Variants in NT5DC3 observed in about 807,000 individuals in gnomAD.
NT5DC3 encodes 5'-nucleotidase domain containing 3.
NT5DC3 carries 42 observed loss-of-function variants against 67.8 expected under a neutral mutation model. That is an observed-to-expected ratio of 0.62 (90% confidence interval 0.48 to 0.80). The LOEUF (loss-of-function observed/expected upper bound fraction) is 0.80, where lower values mean the gene tolerates loss of function less well. NT5DC3 is among the 30% of genes least tolerant of loss of function. The pLI, the probability that NT5DC3 is intolerant of heterozygous loss-of-function variation, is 0.00. For synonymous variants in NT5DC3, 237 were observed against 255.6 expected (o/e 0.93, Z 0.69); for missense variants, 570 against 696.4 (o/e 0.82, Z 2.04).
chr12:103,783,722 T>C (rs541047390), intron 12 of NT5DC3, among the ~76,000 whole-genome samples: 11 of 151,952 alleles, frequency 7.2e-5, no homozygotes, highest in Middle Eastern at 3.4e-3. Flanking sequence ...AGCACTTCCA[T>C]TCTCTAAAAC....
downstream of NT5DC3, among the ~76,000 whole-genome samples, chr12:103,768,112 T>TAAC (rs1348906641): frequency 1.5e-5 from 2 of 137,078 alleles, no homozygotes; most frequent in African/African-American, 5.6e-5. Context: ...AAAAAAAATT[T>TAAC]AACACTTGGG....
chr12:103,822,456 A>G (rs1418273624), intron 1 of NT5DC3, among the ~76,000 whole-genome samples: 1 of 152,274 alleles, frequency 6.6e-6, no homozygotes, highest in Non-Finnish European at 1.5e-5. Context: ...AAGTAAACAC[A>G]GTTAACAGTA....
the NT5DC3 span, chr12:103,755,318 G>A: frequency 6.2e-7 from 1 of 1,614,024 alleles, no homozygotes; most frequent in Non-Finnish European, 8.5e-7. Flanking sequence ...TACCACCTGT[G>A]CTCAGCAGGC....
chr12:103,759,273 G>A, the NT5DC3 span: 79 of 1,613,360 alleles, frequency 4.9e-5, no homozygotes, highest in South Asian at 2.9e-4. Context: ...CACTCCAACC[G>A]GTACAAAGTC....
chr12:103,777,724 GCTTAT>G lies in NT5DC3; in HGVS notation c.*100_*104del. The G allele has an allele frequency of 8.0e-7, 1 of 1,256,574 alleles. No homozygotes were observed. 77.8% of individuals were successfully genotyped at this position (1,256,574 alleles called of 1,614,324 possible). Reference sequence around the variant, plus strand: ...TAAGGTACAAAATAAATATCAAAAGGCTTATCTGTATCTTTTCCAAAAGCAACACT... The same window carrying G: ...TAAGGTACAAAATAAATATCAAAAGGCTGTATCTTTTCCAAAAGCAACACT... On this transcript the variant is annotated 3_prime_UTR_variant, in exon 14 of 14. Coordinates refer to ENST00000392876, the MANE Select transcript of NT5DC3 (RefSeq NM_001031701.3).
intron 11 of NT5DC3, 49 bp downstream of exon 11, chr12:103,787,392 G>A (rs1402224105): frequency 9.3e-6 from 8 of 862,666 alleles, no homozygotes; most frequent in Non-Finnish European, 5.3e-6. Context: ...TCTTTAGTAA[G>A]TGAGACTAAC....
At chr12:103,811,277 C>T (rs902415239) in intron 2 of NT5DC3, among the ~76,000 whole-genome samples, 2 of 42,332 alleles carry the variant, frequency 4.7e-5, no homozygotes, top group African/African-American at 8.9e-5. Flanking sequence ...CACAAATCTG[C>T]GGGTGGGCGG....
chr12:103,788,680 T>C (rs2888792), intron 10 of NT5DC3, among the ~76,000 whole-genome samples, 158 bp downstream of exon 10: 58,097 of 151,996 alleles, frequency 0.38, 12,174 homozygotes, highest in East Asian at 0.88. Flanking sequence ...AATATATTGA[T>C]TTAAACCTAA....
At chr12:103,750,701 T>C in the NT5DC3 span, 5 of 1,613,642 alleles carry the variant, frequency 3.1e-6, no homozygotes, top group African/African-American at 5.3e-5. Flanking sequence ...ACGCCAAATG[T>C]GTCGACCTCC....
chr12:103,794,743 C>T (rs1285554036), intron 6 of NT5DC3, among the ~76,000 whole-genome samples: 2 of 152,224 alleles, frequency 1.3e-5, no homozygotes, highest in African/African-American at 4.8e-5. Context: ...AAATAGCTTA[C>T]AAGTTCCTCC....
At chr12:103,751,170 A>T in the NT5DC3 span, among the ~76,000 whole-genome samples, 1 of 152,174 alleles carries the variant, frequency 6.6e-6, no homozygotes, top group African/African-American at 2.4e-5. Context: ...TATGTACTGG[A>T]TCTCTCCAGG....
intron 1 of NT5DC3, among the ~76,000 whole-genome samples, chr12:103,818,931 A>G (rs978577560): frequency 1.3e-5 from 2 of 152,222 alleles, no homozygotes; most frequent in African/African-American, 4.8e-5. Flanking sequence ...TCGCTTACAG[A>G]ATGAGCAAAA....
the NT5DC3 span, chr12:103,759,412 C>A: frequency 2.4e-6 from 3 of 1,257,278 alleles, no homozygotes; most frequent in Admixed American, 2.7e-5. Context: ...GTGTTAACTG[C>A]CCACTACAGC....
In NT5DC3 at chr12:103,806,802, A is replaced by T. The variant is rs770380276; in HGVS notation, c.468+53T>A. The stretch of plus-strand genomic sequence containing the variant: ...CAGTAAAGAAAAGTACCAACAGTAC[A>T]TTTCATTTCCAAACATCATTAAACC... On this transcript the variant is annotated intron_variant, in intron 3 of 13. Transcript: ENST00000392876. The T allele has an allele frequency of 4.4e-4, 513 of 1,156,960 alleles. 2 individuals are homozygous for T. Among genetic ancestry groups the T allele is most frequent in the Non-Finnish European group, 5.9e-4 (451 of 769,446 alleles). The allele number at this position is 1,156,960 out of a possible 1,614,324, so 71.7% of individuals were successfully genotyped here. A position where few individuals can be genotyped will look rare whatever the true frequency, so the allele number is the denominator to read the frequency against.
intron 1 of NT5DC3, among the ~76,000 whole-genome samples, chr12:103,836,022 A>G (rs1228082302): frequency 6.6e-6 from 1 of 152,178 alleles, no homozygotes; most frequent in Non-Finnish European, 1.5e-5. Context: ...AGATCTCGTG[A>G]GACTTATTCA....
chr12:103,785,883 C>T (rs745512495), intron 11 of NT5DC3: 3 of 375,302 alleles, frequency 8.0e-6, no homozygotes, highest in African/African-American at 6.4e-5. Context: ...TTATGGAGAA[C>T]CATGGAATCT....
intron 1 of NT5DC3, among the ~76,000 whole-genome samples, chr12:103,832,617 G>C (rs200132175): frequency 2.0e-5 from 3 of 152,020 alleles, no homozygotes; most frequent in Non-Finnish European, 4.4e-5. Context: ...GTAGATCAGC[G>C]AGCCACCTCC....
chr12:103,837,705 C>T (rs892878003), intron 1 of NT5DC3, among the ~76,000 whole-genome samples: 1 of 152,242 alleles, frequency 6.6e-6, no homozygotes, highest in Non-Finnish European at 1.5e-5. Flanking sequence ...CAACAAGTTC[C>T]TCACCTACAT....
chr12:103,804,069 G>A (rs1886698750), intron 4 of NT5DC3, among the ~76,000 whole-genome samples: 1 of 152,068 alleles, frequency 6.6e-6, no homozygotes. Flanking sequence ...TAGTTATTTT[G>A]AGGATTGAAT....
Sources: allele counts gnomAD v4.1 joint callset (sites outside exome capture counted in the v4.1 genomes callset), GRCh38; gene constraint gnomAD v4.1.1; transcripts MANE v1.5; gene names NCBI Gene and HGNC (gene_info 2026-07-23, HGNC 2026-07-21).